BSN: variants seen among roughly 807,000 people sequenced by gnomAD.
BSN encodes bassoon presynaptic cytomatrix protein.
In BSN, 57 loss-of-function variants were observed where a neutral mutation model predicts 264.8. The observed-to-expected ratio is 0.22, with a 90% CI of 0.17 to 0.27. BSN has a LOEUF of 0.27. Ranked by LOEUF, BSN falls within the 10% of genes least tolerant of loss-of-function variation. BSN has a pLI of 1.00. For missense variants in BSN, 4,615 were observed against 5,232.5 expected (o/e 0.88, Z 3.64); for synonymous variants, 2,059 against 2,137.3 (o/e 0.96, Z 1.01).
In BSN at chr3:49,663,583, G is replaced by T; in HGVS notation, c.11425G>T (p.Gly3809Cys). 6.2e-7 allele frequency: 1 copy of T among 1,606,528 alleles called. No homozygotes were observed. The highest frequency in any genetic ancestry group is 1.3e-5 in the African/African-American group (1 of 74,992). ...GCAACAGAGCCAGCCAACCACCCGG[G>T]GCTCAGCCCCTGCTGCCAGCCAGCC... is the stretch of plus-strand genomic sequence containing the variant. ...LQQQSQPTTR[G>C]SAPAASQPAG... The change falls in exon 7 of 12, where the codon GGC becomes TGC. Residue 3809 changes from glycine (G) to cysteine (C), a missense_variant. Gly to Cys is a radical substitution (Grantham distance 159). Coordinates refer to ENST00000296452, the MANE Select transcript of BSN (RefSeq NM_003458.4).
At chr3:49,672,222 G>A (rs932483181), downstream of BSN, among the ~76,000 whole-genome samples, 1 of 151,834 alleles carries the variant, frequency 6.6e-6, no homozygotes, top group African/African-American at 2.4e-5. Flanking sequence ...TTTATTTCAG[G>A]TACTTAAATG....
intron 1 of BSN, among the ~76,000 whole-genome samples, chr3:49,603,238 G>A (rs1226254779): frequency 1.3e-5 from 2 of 152,196 alleles, no homozygotes; most frequent in African/African-American, 4.8e-5. Flanking sequence ...AAGCCTCTGA[G>A]CTGTCACAGG....
At position 49,654,284 on chromosome 3, in the gene BSN, C is replaced by T. The variant is rs777024978; in HGVS notation, c.4728C>T (p.Ala1576=). Residue 1576 remains alanine, a synonymous_variant, in exon 5 of 12, where the codon GCC becomes GCT. Coordinates refer to ENST00000296452, the MANE Select transcript of BSN (RefSeq NM_003458.4). This position sits in a 1 kb window ranked among gnomAD's most constrained non-coding sequence, Gnocchi z 4.1. ...AGACCAGGATGGTACATGCCAGTGC[C>T]TCCACCTCCCCGCTCTGCTCACCTA... ...SSQTRMVHAS[A]STSPLCSPTE... is the part of the protein sequence containing the mutation. 9 of 1,613,506 alleles carry T rather than the reference C, an allele frequency of 5.6e-6. No individual in the cohort carries two copies. In the Admixed American group the frequency reaches 1.5e-4, roughly 27 times the overall value.
intron 1 of BSN, among the ~76,000 whole-genome samples, chr3:49,587,125 C>T (rs189718930): frequency 6.6e-6 from 1 of 152,090 alleles, no homozygotes; most frequent in African/African-American, 2.4e-5. Context: ...TCTTTTACTT[C>T]TTTGGTTAAG....
chr3:49,584,160 C>T (rs1215984401), intron 1 of BSN, among the ~76,000 whole-genome samples: 1 of 152,142 alleles, frequency 6.6e-6, no homozygotes, highest in Non-Finnish European at 1.5e-5. Context: ...GCTGGGATTA[C>T]AGACGTGAGC....
chr3:49,663,959 C>T, intron 8 of BSN, 73 bp downstream of exon 8: 1 of 1,378,396 alleles, frequency 7.3e-7, no homozygotes, highest in Non-Finnish European at 1.0e-6. Flanking sequence ...ACCACCTGTG[C>T]CCTGAGCTCC....
rs1385626089 is a variant in BSN, at chr3:49,662,916, G to A, written c.10758G>A (p.Lys3586=). The A allele has an allele frequency of 6.2e-7, 1 of 1,605,588 alleles. No individual in the cohort carries two copies. The highest frequency in any genetic ancestry group is 1.1e-5 in the South Asian group (1 of 90,168). ...AGGAGGAGACGGACTGGTTTGATAA[G>A]CCCCGGGATGCCCGCTCTGACCGGT... ...LGQEETDWFD[K]PRDARSDRFR... The change falls in exon 7 of 12, where the codon AAG becomes AAA. Residue 3586 remains lysine (K), a synonymous_variant. Coordinates refer to ENST00000296452, the MANE Select transcript of BSN (RefSeq NM_003458.4).
At position 49,653,368 on chromosome 3, in the gene BSN, G is replaced by A. The variant is rs771251606; in HGVS notation, c.3812G>A (p.Arg1271Gln). Residue 1271 changes from arginine to glutamine, a missense_variant, in exon 5 of 12, where the codon CGG (arginine) becomes CAG (glutamine). Transcript: ENST00000296452. The surrounding 1 kb of genome is among the most constrained non-coding windows in gnomAD (Gnocchi z 6.3). ...ACATCACAGAGCATAGTCCGCATGC[G>A]GCAGGCCTCCTCACGAGACCTGGCT... is the stretch of plus-strand genomic sequence containing the variant. ...LQTSQSIVRM[R>Q]QASSRDLAFA... 1.2e-5 allele frequency: 19 copies of A among 1,613,320 alleles called. No individual in the cohort carries two copies. Among genetic ancestry groups the A allele is most frequent in the South Asian group, 8.8e-5 (8 of 91,018 alleles).
chr3:49,665,708 C>A (rs1301729254), intron 11 of BSN, among the ~76,000 whole-genome samples: 1 of 152,248 alleles, frequency 6.6e-6, no homozygotes, highest in Non-Finnish European at 1.5e-5. Flanking sequence ...TTAGAGTCCC[C>A]AAACCCCACA....
chr3:49,576,130 T>C (rs2051843833), intron 1 of BSN, among the ~76,000 whole-genome samples: 1 of 152,170 alleles, frequency 6.6e-6, no homozygotes, highest in Non-Finnish European at 1.5e-5. Flanking sequence ...TTTGGGGCTG[T>C]TGGGTACTCC....
intron 1 of BSN, 67 bp from the exon 2 acceptor site, chr3:49,624,908 G>T: frequency 1.4e-6 from 2 of 1,434,020 alleles, no homozygotes; most frequent in Non-Finnish European, 1.9e-6. Context: ...CACCTAGCTT[G>T]GTAGAGACCT....
In BSN at chr3:49,654,849, G is replaced by T. The variant is rs200332194; in HGVS notation, c.5293G>T (p.Gly1765Trp). Residue 1765 changes from glycine to tryptophan, a missense_variant, in exon 5 of 12, where the codon GGG becomes TGG. Gly to Trp is a radical substitution (Grantham distance 184). Coordinates refer to ENST00000296452, the MANE Select transcript of BSN (RefSeq NM_003458.4). The surrounding 1 kb of genome is among the most constrained non-coding windows in gnomAD (Gnocchi z 4.1). ...YQSRLDFGQG[G>W]GSPVCLAQVK... ...GAGCCGCCTTGACTTTGGCCAGGGT[G>T]GGGGTAGCCCTGTGTGCCTGGCCCA... is the stretch of plus-strand genomic sequence containing the variant. 1.2e-5 allele frequency: 20 copies of T among 1,613,356 alleles called. No individual in the cohort carries two copies. The East Asian group carries it at 2.0e-4, about 16-fold the overall frequency.
In BSN at chr3:49,653,237, C is replaced by T. The variant is rs1005646063; in HGVS notation, c.3681C>T (p.Phe1227=). The change falls in exon 5 of 12, where the codon TTC becomes TTT. Residue 1227 remains phenylalanine, a synonymous_variant. Coordinates refer to ENST00000296452, the MANE Select transcript of BSN (RefSeq NM_003458.4). The surrounding 1 kb of genome is among the most constrained non-coding windows in gnomAD (Gnocchi z 6.3). ...QPTGPRGLGS[F]EYQDTTDREY... is the part of the protein sequence containing the mutation. The stretch of plus-strand genomic sequence containing the variant: ...CAGGCCCCCGGGGCCTGGGCTCCTT[C>T]GAATATCAAGACACTACAGACCGTG... The T allele has an allele frequency of 1.6e-5, 26 of 1,612,348 alleles. No individual in the cohort carries two copies. Among genetic ancestry groups the T allele is most frequent in the Admixed American group, 3.3e-5 (2 of 59,832 alleles).
Position 49,653,921 on chromosome 3 carries a change from T to A in BSN, c.4365T>A (p.Ser1455Arg). 3.1e-6 allele frequency: 5 copies of A among 1,614,040 alleles called. No homozygotes were observed. Among genetic ancestry groups the A allele is most frequent in the Non-Finnish European group, 4.2e-6 (5 of 1,179,980 alleles). Residue 1455 changes from serine (S) to arginine (R), a missense_variant, in exon 5 of 12, where the codon AGT becomes AGA. This residue lies in a region of BSN where 3,415 missense variants were observed against 3,866.4 expected (regional missense o/e 0.88). Coordinates refer to ENST00000296452, the MANE Select transcript of BSN (RefSeq NM_003458.4). This position sits in a 1 kb window ranked among gnomAD's most constrained non-coding sequence, Gnocchi z 6.3. ...AGRAAREKPL[S>R]ASDGEGGTPQ... Reference sequence around the variant, plus strand: ...GAGCTGCTAGAGAGAAGCCCTTGAGTGCGAGTGACGGTGAGGGTGGCACTC... The same window carrying A: ...GAGCTGCTAGAGAGAAGCCCTTGAGAGCGAGTGACGGTGAGGGTGGCACTC...
intron 1 of BSN, among the ~76,000 whole-genome samples, chr3:49,594,214 A>AT (rs1316789354): frequency 6.6e-6 from 1 of 152,154 alleles, no homozygotes; most frequent in Non-Finnish European, 1.5e-5. Context: ...ATTTGATGAG[A>AT]TCTAATTTGT....
At chr3:49,672,479 C>CT (rs371314787), downstream of BSN, among the ~76,000 whole-genome samples, 39,747 of 142,926 alleles carry the variant, frequency 0.28, 5,810 homozygotes, top group Middle Eastern at 0.32. Context: ...AGTTGGGACT[C>CT]TTTTTTTTTT....
In BSN at chr3:49,651,685, G is replaced by A. The variant is rs751284581; in HGVS notation, c.2129G>A (p.Ser710Asn). 1.9e-6 allele frequency: 3 copies of A among 1,614,090 alleles called. No individual in the cohort carries two copies. The highest frequency in any genetic ancestry group is 1.1e-5 in the South Asian group (1 of 91,072). ...CAGCAGGAGGTGGAACAGCTGGACA[G>A]TGCAGGGGTGACAGGGCCACATCCA... is the stretch of plus-strand genomic sequence containing the variant. ...VVQQEVEQLD[S>N]AGVTGPHPPS... is the part of the protein sequence containing the mutation. The change falls in exon 5 of 12, where the codon AGT becomes AAT. Residue 710 changes from serine to asparagine, a missense_variant. By Grantham distance (46) the Ser-to-Asn change is conservative. Transcript: ENST00000296452. The surrounding 1 kb of genome is among the most constrained non-coding windows in gnomAD (Gnocchi z 5.4).
At chr3:49,644,074 C>A (rs1004358287) in intron 3 of BSN, among the ~76,000 whole-genome samples, 1 of 152,188 alleles carries the variant, frequency 6.6e-6, no homozygotes, top group African/African-American at 2.4e-5. Context: ...CCCAGGGTCA[C>A]CCATGTGACC....
intron 8 of BSN, 53 bp from the exon 9 acceptor site, chr3:49,664,370 C>T: frequency 1.2e-6 from 2 of 1,612,634 alleles, no homozygotes; most frequent in Non-Finnish European, 8.5e-7. Flanking sequence ...CCCTCTTAGA[C>T]CCTAAAGAGC....
Sources: allele counts gnomAD v4.1 joint callset (sites outside exome capture counted in the v4.1 genomes callset), GRCh38; gene constraint gnomAD v4.1.1; regional missense constraint gnomAD v4.1.1; non-coding constraint Gnocchi (gnomAD v3.1); transcripts MANE v1.5; gene names NCBI Gene and HGNC (gene_info 2026-07-23, HGNC 2026-07-21).